The following DSE variants were observed in gnomAD, a reference collection of about 807,000 sequenced individuals.
The protein encoded by DSE is dermatan sulfate epimerase, also known as dermatan-sulfate epimerase.
Under a neutral mutation model 84.4 loss-of-function variants are expected in DSE, and 36 were observed. That is an observed-to-expected ratio of 0.43 (90% confidence interval 0.33 to 0.56). DSE has a LOEUF of 0.56. DSE is among the 20% of genes least tolerant of loss of function. The probability of loss-of-function intolerance (pLI) is 0.06; values close to 1 mark genes in which losing one functional copy is unlikely to be tolerated. For missense variants in DSE, 862 were observed against 1,169.6 expected, an observed-to-expected ratio of 0.74 and a Z score of 3.84; for synonymous variants, 410 against 430.1, an observed-to-expected ratio of 0.95 and a Z score of 0.58.
In DSE at chr6:116,441,637, G is replaced by A. The variant is rs1019846322; in HGVS notation, c.*4292G>A. The A allele has an allele frequency of 1.3e-5, 2 of 152,148 alleles. 1 individual carries two copies. The highest frequency in any genetic ancestry group is 1.3e-4 in the Admixed American group (2 of 15,268). The allele number at this position is 152,148 out of a possible 1,614,324, so 9.4% of individuals were successfully genotyped here. A position where few individuals can be genotyped will look rare whatever the true frequency, so the allele number is the denominator to read the frequency against. On this transcript the variant is annotated 3_prime_UTR_variant, in exon 6 of 6. Transcript: ENST00000644252. ...GGAAGAGGAGGCCATAATTTTAAAT[G>A]TGGTGATCAGGTTAGGCTTTATTGA... is the stretch of plus-strand genomic sequence containing the variant.
intron 2 of DSE, among the ~76,000 whole-genome samples, chr6:116,422,894 G>A (rs900382237): frequency 2.0e-4 from 30 of 152,066 alleles, no homozygotes; most frequent in African/African-American, 7.0e-4. Context: ...TAATAGTCTC[G>A]GAAGCCCCTC....
At chr6:116,313,077 T>C (rs1383784405) in intron 2 of DSE, among the ~76,000 whole-genome samples, 3 of 152,208 alleles carry the variant, frequency 2.0e-5, no homozygotes, top group African/African-American at 7.2e-5. Flanking sequence ...CCAATATGAC[T>C]GGTATCCTTA....
intron 2 of DSE, among the ~76,000 whole-genome samples, chr6:116,422,893 C>T (rs1451024520): frequency 1.3e-5 from 2 of 152,152 alleles, no homozygotes; most frequent in Admixed American, 6.5e-5. Flanking sequence ...GTAATAGTCT[C>T]GGAAGCCCCT....
chr6:116,292,194 G>T (rs533059565), intron 2 of DSE, among the ~76,000 whole-genome samples: 1 of 152,230 alleles, frequency 6.6e-6, no homozygotes, highest in African/African-American at 2.4e-5. Flanking sequence ...CAAAAATAGA[G>T]CTCTGAGGAA....
chr6:116,370,566 C>G (rs1583109947), upstream of DSE: 18 of 947,400 alleles, frequency 1.9e-5, no homozygotes, highest in South Asian at 6.3e-4. Flanking sequence ...GCTCCTCCCC[C>G]TGGGCCTCCA....
intron 2 of DSE, among the ~76,000 whole-genome samples, chr6:116,269,285 A>T (rs1772772765): frequency 6.6e-6 from 1 of 152,150 alleles, no homozygotes; most frequent in South Asian, 2.1e-4. Context: ...AATTATCATG[A>T]AGGTGAAATG....
At chr6:116,348,352 G>A (rs1204462703) in intron 2 of DSE, among the ~76,000 whole-genome samples, 1 of 152,036 alleles carries the variant, frequency 6.6e-6, no homozygotes, top group Non-Finnish European at 1.5e-5. Context: ...GCGTGAACCT[G>A]GGAGACGGAG....
chr6:116,430,665 C>T (rs867248188), intron 3 of DSE, among the ~76,000 whole-genome samples: 6 of 152,322 alleles, frequency 3.9e-5, no homozygotes, highest in African/African-American at 1.2e-4. Context: ...CCTCAGCCCC[C>T]CAAGTAGCTG....
At chr6:116,279,108 A>C (rs373867202) in intron 2 of DSE, 1 of 1,613,986 alleles carries the variant, frequency 6.2e-7, no homozygotes, top group South Asian at 1.1e-5. Flanking sequence ...GAGCATTCAC[A>C]GTGTCCAGTT....
intron 2 of DSE, among the ~76,000 whole-genome samples, chr6:116,283,332 T>G (rs917668759): frequency 3.3e-5 from 5 of 152,232 alleles, no homozygotes; most frequent in Admixed American, 2.6e-4. Flanking sequence ...CTCACCTGAA[T>G]TCCTGCAACT....
intron 2 of DSE, among the ~76,000 whole-genome samples, chr6:116,287,338 CCCTTT>C (rs1037852651): frequency 2.6e-5 from 4 of 152,014 alleles, no homozygotes; most frequent in African/African-American, 7.2e-5. Flanking sequence ...TTTTGCTTTT[CCCTTT>C]CCTTTCATTT....
At chr6:116,359,014 G>A (rs1340437322) in intron 2 of DSE, among the ~76,000 whole-genome samples, 3 of 152,076 alleles carry the variant, frequency 2.0e-5, no homozygotes, top group Non-Finnish European at 4.4e-5. Context: ...GCTTCAAGTT[G>A]CAATCTATTA....
chr6:116,362,660 G>C (rs983013667), intron 2 of DSE, among the ~76,000 whole-genome samples: 1 of 152,178 alleles, frequency 6.6e-6, no homozygotes, highest in Non-Finnish European at 1.5e-5. Flanking sequence ...TAGCCATCCA[G>C]TCTATGGTAT....
At chr6:116,314,777 T>C (rs935411122) in intron 2 of DSE, among the ~76,000 whole-genome samples, 1 of 152,224 alleles carries the variant, frequency 6.6e-6, no homozygotes, top group Non-Finnish European at 1.5e-5. Flanking sequence ...TGGAGACCAG[T>C]AGATAACCCA....
intron 2 of DSE, among the ~76,000 whole-genome samples, chr6:116,358,573 G>A (rs1257253360): frequency 1.3e-5 from 2 of 152,198 alleles, no homozygotes; most frequent in Non-Finnish European, 2.9e-5. Context: ...TAGCTTCTAG[G>A]CTGTGGGGAA....
intron 1 of DSE, among the ~76,000 whole-genome samples, chr6:116,383,080 C>T (rs955523314): frequency 6.6e-6 from 1 of 152,064 alleles, no homozygotes; most frequent in Non-Finnish European, 1.5e-5. Context: ...CAACTGGAGA[C>T]AAGTTGTTAT....
intron 2 of DSE, among the ~76,000 whole-genome samples, chr6:116,360,659 A>T (rs1478503994): frequency 1.3e-5 from 2 of 152,254 alleles, no homozygotes; most frequent in Non-Finnish European, 2.9e-5. Flanking sequence ...CGTTGGCCGC[A>T]TCATAATTCT....
Position 116,426,640 on chromosome 6 carries a change from T to A in DSE, c.483T>A (p.Ala161=). 6.2e-7 allele frequency: 1 copy of A among 1,614,084 alleles called. No homozygotes were observed. The highest frequency in any genetic ancestry group is 2.2e-5 in the East Asian group (1 of 44,886). ...LAHSLVGFAT[A]YDFLYNYLSK... ...ACTCCCTGGTTGGTTTTGCCACTGC[T>A]TATGACTTCTTGTACAACTACCTGA... Residue 161 remains alanine (A), a synonymous_variant, in exon 3 of 6, where the codon GCT becomes GCA. Coordinates refer to ENST00000644252, the MANE Select transcript of DSE (RefSeq NM_013352.4).
intron 2 of DSE, among the ~76,000 whole-genome samples, chr6:116,259,925 A>T (rs79255550): frequency 0.043 from 6,554 of 152,228 alleles, 224 homozygotes; most frequent in African/African-American, 0.091. Context: ...TGGCTTTGCT[A>T]TGTGAATAAC....
Sources: allele counts gnomAD v4.1 joint callset (sites outside exome capture counted in the v4.1 genomes callset), GRCh38; gene constraint gnomAD v4.1.1; transcripts MANE v1.5; gene names NCBI Gene and HGNC (gene_info 2026-07-23, HGNC 2026-07-21).